Variants in GALNT2 observed in about 807,000 individuals in gnomAD.
GALNT2 encodes UDP-GalNAc:polypeptide N-acetylgalactosaminyltransferase 2.
In GALNT2, 31 loss-of-function variants were observed where a neutral mutation model predicts 81.4. The ratio of observed to expected loss-of-function variants is 0.38; its 90% CI spans 0.29 to 0.51. The LOEUF is 0.51. Ranked by LOEUF, GALNT2 falls within the 20% of genes least tolerant of loss-of-function variation. GALNT2 has a pLI of 0.87. For synonymous variants in GALNT2, 303 were observed against 287.4 expected, an observed-to-expected ratio of 1.05 and a Z score of -0.55; for missense variants, 629 against 765.7, an observed-to-expected ratio of 0.82 and a Z score of 2.11.
intron 1 of GALNT2, among the ~76,000 whole-genome samples, chr1:230,095,832 A>G (rs1375788852): frequency 6.6e-6 from 1 of 152,194 alleles, no homozygotes; most frequent in African/African-American, 2.4e-5. Flanking sequence ...CTGCTGGAGA[A>G]AGAAACCGTG....
chr1:230,095,924 G>A (rs59581002), intron 1 of GALNT2, among the ~76,000 whole-genome samples: 191 of 152,330 alleles, frequency 1.3e-3, no homozygotes, highest in African/African-American at 4.4e-3. Flanking sequence ...AGCCCCAGCC[G>A]CGAGGCACCT....
In GALNT2 at chr1:230,236,731, ATTC is replaced by A; in HGVS notation, c.607+12_607+14del. ...TAGAAATGATCGACGAGAAGGTAAGATTCTTCTTAATTCAGCGCCAAGACAGTT... is the reference window on the plus strand; with the variant it reads ...TAGAAATGATCGACGAGAAGGTAAGATTCTTAATTCAGCGCCAAGACAGTT... On this transcript the variant is annotated splice_region_variant and intron_variant, in intron 6 of 15. Transcript: ENST00000366672. 6.2e-7 allele frequency: 1 copy of A among 1,610,984 alleles called. No homozygotes were observed. The highest frequency in any genetic ancestry group is 1.1e-5 in the South Asian group (1 of 90,298).
intron 1 of GALNT2, among the ~76,000 whole-genome samples, chr1:230,103,032 C>T (rs549418362): frequency 6.6e-6 from 1 of 152,280 alleles, no homozygotes; most frequent in African/African-American, 2.4e-5. Context: ...TTGCTGAGAT[C>T]GTGTTTAGAA....
intron 6 of GALNT2, among the ~76,000 whole-genome samples, chr1:230,238,800 G>A (rs1665109297): frequency 6.6e-6 from 1 of 152,136 alleles, no homozygotes; most frequent in South Asian, 2.1e-4. Context: ...ACATTGGTCT[G>A]TAATTTTCTT....
intron 1 of GALNT2, among the ~76,000 whole-genome samples, chr1:230,157,812 G>A (rs765651002): frequency 3.3e-5 from 5 of 152,232 alleles, no homozygotes; most frequent in Non-Finnish European, 7.3e-5. Context: ...AGGATTGCCA[G>A]GGGCTGGAGA....
rs903736696 is a variant in GALNT2 at position 230,257,019 on chromosome 1, C to A, written c.1136+1675C>A. 2.0e-5 allele frequency among the ~76,000 whole-genome samples: 3 copies of A among 152,178 alleles called. No homozygotes were observed. Among genetic ancestry groups the A allele is most frequent in the African/African-American group, 7.2e-5 (3 of 41,446 alleles). ...CTGCAGGAGGAGCAGATCCAGGCTG[C>A]TGAGGTGCGTTTGGCATATCAGCCA... On this transcript the variant is annotated intron_variant, in intron 11 of 15. Transcript: ENST00000366672. This position sits in a 1 kb window ranked among gnomAD's most constrained non-coding sequence, Gnocchi z 4.6.
At chr1:230,172,286 G>A (rs1448061753) in intron 1 of GALNT2, among the ~76,000 whole-genome samples, 3 of 152,128 alleles carry the variant, frequency 2.0e-5, no homozygotes, top group Non-Finnish European at 2.9e-5. Flanking sequence ...AGCCCTACTG[G>A]ATGGGCCCCA....
chr1:230,144,115 A>G (rs1468010715), intron 1 of GALNT2, among the ~76,000 whole-genome samples: 1 of 152,142 alleles, frequency 6.6e-6, no homozygotes, highest in Non-Finnish European at 1.5e-5. Context: ...TCCTGGCCAC[A>G]CCTGGATCGG....
At position 230,158,945 on chromosome 1, in the gene GALNT2, G is replaced by A. The variant is rs570426524; in HGVS notation, c.127-19273G>A. On this transcript the variant is annotated intron_variant, in intron 1 of 15. Transcript: ENST00000366672. ...TGAGCAGTGCCCCAGCCCCCATGCC[G>A]CTTTGGATTTCAGTGGCCTCTGCAG... Among the ~76,000 whole-genome samples, 99 of 152,280 alleles carry A rather than the reference G, an allele frequency of 6.5e-4. 2 individuals are homozygous for A. In the South Asian group the frequency reaches 0.016, roughly 24 times the overall value.
chr1:230,157,333 G>A (rs1381452029), intron 1 of GALNT2, among the ~76,000 whole-genome samples: 11 of 152,270 alleles, frequency 7.2e-5, no homozygotes, highest in Non-Finnish European at 1.6e-4. Flanking sequence ...AAGCAAAAAT[G>A]CCACCAAGTA....
At position 230,274,518 on chromosome 1, in the gene GALNT2, G is replaced by A. The variant is rs1358058941; in HGVS notation, c.1514G>A (p.Gly505Asp). 1.2e-6 allele frequency: 2 copies of A among 1,614,022 alleles called. No homozygotes were observed. The highest frequency in any genetic ancestry group is 1.7e-6 in the Non-Finnish European group (2 of 1,179,930). ...LCLTVVDRAP[G>D]SLIKLQGCRE... ...CTTACTGTGGTGGACCGGGCACCGG[G>A]CTCTCTTATAAAGCTGCAGGGCTGC... Residue 505 changes from glycine (G) to aspartate (D), a missense_variant, in exon 15 of 16, where the codon GGC becomes GAC. Physicochemically the swap from Gly to Asp is moderately conservative, Grantham distance 94. Coordinates refer to ENST00000366672, the MANE Select transcript of GALNT2 (RefSeq NM_004481.5).
chr1:230,082,206 G>T (rs938132782), intron 1 of GALNT2, among the ~76,000 whole-genome samples: 1 of 152,226 alleles, frequency 6.6e-6, no homozygotes, highest in Admixed American at 6.5e-5. Context: ...CCTTCAATCT[G>T]GGAAGGTCTC....
intron 2 of GALNT2, among the ~76,000 whole-genome samples, chr1:230,188,974 C>CTGG (rs1553266954): frequency 6.6e-6 from 1 of 151,832 alleles, no homozygotes; most frequent in East Asian, 1.9e-4. Flanking sequence ...GGCAAAGGAG[C>CTGG]GGGGGCCGGA....
At chr1:230,256,340 G>A (rs1291456678) in intron 11 of GALNT2, among the ~76,000 whole-genome samples, 2 of 152,078 alleles carry the variant, frequency 1.3e-5, no homozygotes, top group Admixed American at 6.6e-5. Context: ...CAGCTACTCG[G>A]GAGGCTGAGG....
chr1:230,209,637 T>G (rs1664172662), intron 3 of GALNT2, among the ~76,000 whole-genome samples: 1 of 151,350 alleles, frequency 6.6e-6, no homozygotes, highest in Admixed American at 6.6e-5. Flanking sequence ...AGTCCAGGAG[T>G]TTGAGACCAG....
chr1:230,218,950 G>A (rs190746074), intron 3 of GALNT2, among the ~76,000 whole-genome samples: 1 of 152,200 alleles, frequency 6.6e-6, no homozygotes, highest in African/African-American at 2.4e-5. Context: ...ATAGGAGCAC[G>A]AACCCTATTG....
chr1:230,274,826 C>G (rs1330388022), intron 15 of GALNT2, among the ~76,000 whole-genome samples: 1 of 152,034 alleles, frequency 6.6e-6, no homozygotes, highest in Non-Finnish European at 1.5e-5. Context: ...TTTGTTTATT[C>G]ATCAAATACT....
intron 1 of GALNT2, among the ~76,000 whole-genome samples, chr1:230,097,109 T>A (rs920942384): frequency 6.6e-6 from 1 of 152,190 alleles, no homozygotes; most frequent in Non-Finnish European, 1.5e-5. Flanking sequence ...GGTGCCCTCA[T>A]AACATTACAC....
At chr1:230,254,415 A>G (rs1361954609) in intron 10 of GALNT2, among the ~76,000 whole-genome samples, 5 of 152,134 alleles carry the variant, frequency 3.3e-5, no homozygotes, top group African/African-American at 9.7e-5. Flanking sequence ...GAGCATTCCT[A>G]CCTGGGCCAG....
Sources: gnomAD v4.1 joint callset for allele counts (sites outside exome capture counted in the v4.1 genomes callset) on GRCh38, gnomAD v4.1.1 for gene constraint, Gnocchi (gnomAD v3.1) non-coding constraint, MANE v1.5 for transcripts, NCBI Gene and HGNC (gene_info 2026-07-23, HGNC 2026-07-21) for gene names.